Variants in STXBP5L observed in about 807,000 individuals in gnomAD.
STXBP5L encodes syntaxin binding protein 5L.
STXBP5L carries 65 observed loss-of-function variants against 144.5 expected under a neutral mutation model. The ratio of observed to expected loss-of-function variants is 0.45; its 90% CI spans 0.37 to 0.55. STXBP5L has a LOEUF of 0.55. Ranked by LOEUF, STXBP5L falls within the 20% of genes least tolerant of loss-of-function variation. The probability of loss-of-function intolerance (pLI) is 0.00; values close to 1 mark genes in which losing one functional copy is unlikely to be tolerated. For missense variants in STXBP5L, 1,298 were observed against 1,405.5 expected (o/e 0.92, Z 1.22); for synonymous variants, 505 against 469.6 (o/e 1.08, Z -0.97).
intron 9 of STXBP5L, among the ~76,000 whole-genome samples, chr3:121,183,468 A>G (rs2047239153): frequency 6.6e-6 from 1 of 152,202 alleles, no homozygotes; most frequent in African/African-American, 2.4e-5. Context: ...AAATCAGTGT[A>G]CACAAATCAG....
At chr3:121,169,209 C>T (rs530270899) in intron 9 of STXBP5L, among the ~76,000 whole-genome samples, 1 of 152,242 alleles carries the variant, frequency 6.6e-6, no homozygotes, top group South Asian at 2.1e-4. Flanking sequence ...TGGAAAGGAA[C>T]AATCAGTACC....
At chr3:121,225,376 G>A (rs2049090697) in intron 11 of STXBP5L, among the ~76,000 whole-genome samples, 1 of 152,092 alleles carries the variant, frequency 6.6e-6, no homozygotes, top group Non-Finnish European at 1.5e-5. Flanking sequence ...CTCGAGAGAT[G>A]AGAATTAGGG....
At chr3:121,344,398 T>C (rs549863707) in intron 20 of STXBP5L, among the ~76,000 whole-genome samples, 3 of 152,032 alleles carry the variant, frequency 2.0e-5, no homozygotes, top group Non-Finnish European at 4.4e-5. Context: ...AATTGACAAA[T>C]GGGATCTAAT....
At chr3:120,916,708 GT>G (rs1709120037) in intron 2 of STXBP5L, among the ~76,000 whole-genome samples, 1 of 152,120 alleles carries the variant, frequency 6.6e-6, no homozygotes, top group Non-Finnish European at 1.5e-5. Context: ...CATTTTGGTG[GT>G]TTTAGATGCA....
In STXBP5L at chr3:121,421,421, C is replaced by A. The variant is rs769388999; in HGVS notation, c.*2324C>A. On this transcript the variant is annotated 3_prime_UTR_variant, in exon 27 of 27. Transcript: ENST00000471454. ...GTGTATTGTAGGATGTTAGCAACAT[C>A]CCTGGCCTCTGTCTACTAGATGCCA... The A allele has an allele frequency of 2.0e-5, 3 of 152,088 alleles. No homozygotes were observed. Among genetic ancestry groups the A allele is most frequent in the Admixed American group, 6.6e-5 (1 of 15,248 alleles). 9.4% of individuals were successfully genotyped at this position (152,088 alleles called of 1,614,324 possible). A position where few individuals can be genotyped will look rare whatever the true frequency, so the allele number is the denominator to read the frequency against.
chr3:120,945,515 G>GAT (rs902748429), intron 2 of STXBP5L, among the ~76,000 whole-genome samples: 19 of 151,454 alleles, frequency 1.3e-4, no homozygotes, highest in Admixed American at 3.3e-4. Flanking sequence ...ATTTGAATAG[G>GAT]ATATATATAT....
chr3:120,965,756 G>T (rs1265953451), intron 3 of STXBP5L, among the ~76,000 whole-genome samples: 2 of 152,040 alleles, frequency 1.3e-5, no homozygotes, highest in South Asian at 2.1e-4. Flanking sequence ...TATGTGTCTT[G>T]GGGTTGCTCT....
chr3:121,002,655 T>C (rs1943882133), intron 3 of STXBP5L, among the ~76,000 whole-genome samples: 1 of 152,080 alleles, frequency 6.6e-6, no homozygotes, highest in South Asian at 2.1e-4. Context: ...TTTTAAGAGA[T>C]TAACTTGTCA....
intron 9 of STXBP5L, among the ~76,000 whole-genome samples, chr3:121,197,808 C>T (rs547237851): frequency 8.5e-5 from 13 of 152,172 alleles, no homozygotes; most frequent in African/African-American, 2.2e-4. Context: ...ATCTATGTCC[C>T]GGCAAAGGAC....
intron 3 of STXBP5L, among the ~76,000 whole-genome samples, chr3:120,974,782 C>A (rs1251625774): frequency 6.6e-6 from 1 of 152,094 alleles, no homozygotes; most frequent in Admixed American, 6.6e-5. Flanking sequence ...TTTCCCAGCA[C>A]CATTTATTAA....
intron 23 of STXBP5L, among the ~76,000 whole-genome samples, chr3:121,410,563 C>A (rs1466616368): frequency 1.3e-5 from 2 of 151,918 alleles, no homozygotes; most frequent in Non-Finnish European, 2.9e-5. Flanking sequence ...GAAGGTAACT[C>A]TCCTGAGCCC....
intron 3 of STXBP5L, among the ~76,000 whole-genome samples, chr3:120,985,104 A>G (rs1942171509): frequency 6.6e-6 from 1 of 151,694 alleles, no homozygotes; most frequent in Non-Finnish European, 1.5e-5. Context: ...CATAAGGGAT[A>G]TTGTTTTGTA....
At chr3:121,377,483 T>C (rs1456383055) in intron 20 of STXBP5L, among the ~76,000 whole-genome samples, 1 of 152,058 alleles carries the variant, frequency 6.6e-6, no homozygotes, top group Non-Finnish European at 1.5e-5. Flanking sequence ...CTTAGACAAA[T>C]TTACAAGAAT....
At chr3:121,056,080 C>T (rs1243344704) in intron 5 of STXBP5L, among the ~76,000 whole-genome samples, 1 of 152,076 alleles carries the variant, frequency 6.6e-6, no homozygotes, top group African/African-American at 2.4e-5. Flanking sequence ...ATTAGGATTA[C>T]AAGTATGAAC....
intron 5 of STXBP5L, among the ~76,000 whole-genome samples, chr3:121,054,732 A>C (rs910450082): frequency 6.6e-6 from 1 of 152,112 alleles, no homozygotes; most frequent in African/African-American, 2.4e-5. Flanking sequence ...TAAAACTTAA[A>C]GTATAATAAT....
chr3:120,909,621 G>C lies in STXBP5L; in HGVS notation c.43G>C (p.Ala15Pro). The change falls in exon 2 of 27, where the codon GCC (alanine) becomes CCC (proline). Residue 15 changes from alanine (A) to proline (P), a missense_variant. By Grantham distance (27) the Ala-to-Pro change is conservative (BLOSUM62 -1). Transcript: ENST00000471454. ...CCGAAAAGTTTTGGATGGCTTAACT[G>C]CCTCCTCCCCTGGCAGTGGTAGCAG... ...NFRKVLDGLT[A>P]SSPGSGSSSG... is the part of the protein sequence containing the mutation. 6.2e-7 allele frequency: 1 copy of C among 1,613,468 alleles called. No individual in the cohort carries two copies. Among genetic ancestry groups the C allele is most frequent in the Non-Finnish European group, 8.5e-7 (1 of 1,179,758 alleles).
intron 3 of STXBP5L, among the ~76,000 whole-genome samples, chr3:121,028,562 T>C (rs921718715): frequency 1.3e-5 from 2 of 152,124 alleles, no homozygotes; most frequent in Non-Finnish European, 2.9e-5. Flanking sequence ...ACATCAAAAA[T>C]ATTCTAAGGA....
intron 14 of STXBP5L, 71 bp from the exon 15 acceptor site, chr3:121,250,652 T>C: frequency 7.9e-7 from 1 of 1,270,572 alleles, no homozygotes; most frequent in Non-Finnish European, 1.1e-6. Context: ...AACTCAAGTT[T>C]CTGTACATTT....
rs185167873 is a variant in STXBP5L at position 121,023,308 on chromosome 3, G to A, written c.288-18392G>A. On this transcript the variant is annotated intron_variant, in intron 3 of 26. Transcript: ENST00000471454. ...TGGATAGAATCAGTATTGTGAAAAT[G>A]ACTATACTTCCAAAAGCAATCTACA... Among the ~76,000 whole-genome samples the A allele has an allele frequency of 4.3e-3, 651 of 152,198 alleles. 5 individuals carry two copies. Among genetic ancestry groups the A allele is most frequent in the African/African-American group, 0.015 (621 of 41,528 alleles).
Sources: allele counts gnomAD v4.1 joint callset (sites outside exome capture counted in the v4.1 genomes callset), GRCh38; gene constraint gnomAD v4.1.1; transcripts MANE v1.5; gene names NCBI Gene and HGNC (gene_info 2026-07-23, HGNC 2026-07-21).